Variants in ENKUR observed in about 807,000 individuals in gnomAD.
ENKUR encodes enkurin.
Under a neutral mutation model 27.6 loss-of-function variants are expected in ENKUR, and 19 were observed. That is an observed-to-expected ratio of 0.69 (90% CI 0.48 to 1.01). The LOEUF is 1.01. Among genes scored for constraint, ENKUR ranks in the 50% least tolerant of loss-of-function variants. The pLI is 0.00. For missense variants in ENKUR, 312 were observed against 310.5 expected (o/e 1.00, Z -0.04); for synonymous variants, 117 against 96.9 (o/e 1.21, Z -1.22).
chr10:25,023,805 G>A (rs200480020), intron 2 of ENKUR: 1 of 1,614,186 alleles, frequency 6.2e-7, no homozygotes, highest in South Asian at 1.1e-5. Context: ...AGTATTATAA[G>A]AAGTGGTATG....
chr10:25,044,353 T>C (rs1851098247), intron 2 of ENKUR, among the ~76,000 whole-genome samples: 1 of 152,184 alleles, frequency 6.6e-6, no homozygotes, highest in African/African-American at 2.4e-5. Flanking sequence ...GGATGTAGAT[T>C]TTAGTCCTAA....
chr10:25,021,916 A>C (rs1850726253), intron 2 of ENKUR: 1 of 152,232 alleles, frequency 6.6e-6, no homozygotes. Flanking sequence ...CTTGTAAGTT[A>C]AATTCAGAGT....
intron 2 of ENKUR, among the ~76,000 whole-genome samples, chr10:25,042,841 C>T (rs1187170047): frequency 7.2e-6 from 1 of 138,780 alleles, no homozygotes; most frequent in Non-Finnish European, 1.5e-5. Flanking sequence ...CAGAGTGAGA[C>T]TGTCTCAAAA....
chr10:25,032,388 T>G (rs1391073175), intron 2 of ENKUR, among the ~76,000 whole-genome samples: 2 of 152,112 alleles, frequency 1.3e-5, no homozygotes, highest in Admixed American at 6.5e-5. Context: ...TTTTGTGGTG[T>G]TGGCATGTAC....
At chr10:25,061,651 A>G (rs976621128) in intron 1 of ENKUR, among the ~76,000 whole-genome samples, 3 of 152,092 alleles carry the variant, frequency 2.0e-5, no homozygotes, top group Non-Finnish European at 4.4e-5. Flanking sequence ...TTCTCTTCAG[A>G]TTTTCCAACA....
In ENKUR at chr10:24,984,803, C is replaced by G. The variant is rs779034110; in HGVS notation, c.697G>C (p.Glu233Gln). Reference protein sequence around the residue: ...KKIRKQRLEEEMKQLEHDIGI... With the variant: ...KKIRKQRLEEQMKQLEHDIGI... Reference sequence around the variant, plus strand: ...ATGTCGTGTTCTAGTTGTTTCATTTCTTCTTCCAGCCTCTGCTTGCGGATC... The same window carrying G: ...ATGTCGTGTTCTAGTTGTTTCATTTGTTCTTCCAGCCTCTGCTTGCGGATC... Residue 233 changes from glutamate (E) to glutamine (Q), a missense_variant, in exon 5 of 6, where the codon GAA becomes CAA. Transcript: ENST00000331161. 6.2e-7 allele frequency: 1 copy of G among 1,613,688 alleles called. No homozygotes were observed. Among genetic ancestry groups the G allele is most frequent in the Admixed American group, 1.7e-5 (1 of 59,938 alleles).
chr10:25,013,690 C>T (rs1850501964), intron 1 of ENKUR, among the ~76,000 whole-genome samples: 1 of 152,212 alleles, frequency 6.6e-6, no homozygotes, highest in Admixed American at 6.5e-5. Flanking sequence ...CGCCTATAAT[C>T]ATAGCACTTT....
intron 1 of ENKUR, among the ~76,000 whole-genome samples, chr10:25,012,133 G>A (rs980152009): frequency 3.3e-5 from 5 of 152,246 alleles, no homozygotes; most frequent in African/African-American, 9.6e-5. Context: ...TTGGGACTAC[G>A]GGTGCACAGA....
chr10:25,049,462 T>G (rs1020166229), intron 2 of ENKUR, among the ~76,000 whole-genome samples: 2 of 152,012 alleles, frequency 1.3e-5, no homozygotes, highest in African/African-American at 2.4e-5. Flanking sequence ...ACTAGTTAAG[T>G]TGGGGAAATA....
At position 24,984,810 on chromosome 10, in the gene ENKUR, C is replaced by T; in HGVS notation, c.690G>A (p.Leu230=). ...GTTCTAGTTGTTTCATTTCTTCTTCCAGCCTCTGCTTGCGGATCTTCTTTG... is the reference window on the plus strand; with the variant it reads ...GTTCTAGTTGTTTCATTTCTTCTTCTAGCCTCTGCTTGCGGATCTTCTTTG... The part of the protein sequence containing the change: ...SIPKKIRKQR[L]EEEMKQLEHD... The change falls in exon 5 of 6, where the codon CTG becomes CTA. Residue 230 remains leucine (L), a synonymous_variant. Transcript: ENST00000331161. 1 of 1,613,654 alleles carries T rather than the reference C, an allele frequency of 6.2e-7. No homozygotes were observed. Among genetic ancestry groups the T allele is most frequent in the Non-Finnish European group, 8.5e-7 (1 of 1,179,876 alleles).
At chr10:25,003,580 A>C (rs185632188) in intron 1 of ENKUR, among the ~76,000 whole-genome samples, 1 of 152,288 alleles carries the variant, frequency 6.6e-6, no homozygotes, top group Admixed American at 6.5e-5. Flanking sequence ...AATACACATA[A>C]ATCTTATTCT....
intron 2 of ENKUR, among the ~76,000 whole-genome samples, chr10:25,033,923 C>G (rs186655235): frequency 6.6e-6 from 1 of 151,854 alleles, no homozygotes; most frequent in African/African-American, 2.4e-5. Flanking sequence ...CTATCTCTCT[C>G]TCTATATATA....
intron 4 of ENKUR, among the ~76,000 whole-genome samples, chr10:24,988,962 A>G (rs73608207): frequency 0.022 from 3,279 of 151,800 alleles, 120 homozygotes; most frequent in African/African-American, 0.076. Flanking sequence ...CTGGCTCATA[A>G]GGCGTCCAGT....
intron 1 of ENKUR, 95 bp downstream of exon 1, chr10:25,015,760 CATTTT>C (rs1850554484): frequency 7.1e-6 from 8 of 1,121,626 alleles, no homozygotes; most frequent in African/African-American, 1.6e-5. Context: ...GGCAAAAATA[CATTTT>C]ATTTATTATT....
intron 2 of ENKUR, among the ~76,000 whole-genome samples, chr10:25,055,545 CAAA>C (rs142864120): frequency 0.27 from 25,522 of 94,340 alleles, 2,536 homozygotes; most frequent in East Asian, 0.5. Flanking sequence ...AACAAATTGG[CAAA>C]AAAAAAAAAA....
At chr10:25,059,194 G>A (rs1470537871) in intron 2 of ENKUR, among the ~76,000 whole-genome samples, 3 of 146,012 alleles carry the variant, frequency 2.1e-5, no homozygotes, top group East Asian at 2.0e-4. Flanking sequence ...GTGCAATGGC[G>A]CAATCTCTGG....
chr10:25,049,732 G>A (rs1466720747), intron 2 of ENKUR, among the ~76,000 whole-genome samples: 1 of 142,094 alleles, frequency 7.0e-6, no homozygotes, highest in African/African-American at 2.7e-5. Context: ...ATGTTGCAGT[G>A]AGTCGAGATC....
At chr10:24,994,268 C>T (rs1212026214) in intron 3 of ENKUR, among the ~76,000 whole-genome samples, 1 of 149,796 alleles carries the variant, frequency 6.7e-6, no homozygotes, top group South Asian at 2.1e-4. Flanking sequence ...TCCTTCCTTC[C>T]TTTCCTTTCT....
chr10:25,025,311 T>G, intron 2 of ENKUR: 1 of 1,614,192 alleles, frequency 6.2e-7, no homozygotes, highest in Non-Finnish European at 8.5e-7. Flanking sequence ...ATTTGCTGGG[T>G]TCATACAATG....
Sources: gnomAD v4.1 joint callset for allele counts (sites outside exome capture counted in the v4.1 genomes callset) on GRCh38, gnomAD v4.1.1 for gene constraint, MANE v1.5 for transcripts, NCBI Gene and HGNC (gene_info 2026-07-23, HGNC 2026-07-21) for gene names.